MAGI2: variants seen among roughly 807,000 people sequenced by gnomAD.
The protein encoded by MAGI2 is membrane-associated guanylate kinase, WW and PDZ domain-containing protein 2.
In MAGI2, 35 loss-of-function variants were observed where a neutral mutation model predicts 133.3. That is an observed-to-expected ratio of 0.26 (90% confidence interval 0.20 to 0.35). The LOEUF (loss-of-function observed/expected upper bound fraction) is 0.35. Ranked by LOEUF, MAGI2 falls within the 10% of genes least tolerant of loss-of-function variation. The pLI is 1.00. For synonymous variants in MAGI2, 729 were observed against 710.6 expected (o/e 1.03, Z -0.41); for missense variants, 1,636 against 1,863.4 (o/e 0.88, Z 2.25).
chr7:78,123,252 C>G (rs988107585), intron 20 of MAGI2, among the ~76,000 whole-genome samples: 3 of 152,120 alleles, frequency 2.0e-5, no homozygotes, highest in African/African-American at 7.2e-5. Flanking sequence ...AAAGTCAAAA[C>G]TTGCTACTCT....
chr7:78,217,540 G>A (rs1210257862), intron 10 of MAGI2, among the ~76,000 whole-genome samples: 2 of 152,132 alleles, frequency 1.3e-5, no homozygotes, highest in Non-Finnish European at 2.9e-5. Context: ...CATTCTTTAT[G>A]AAATCTGTGT....
At chr7:78,394,722 A>G (rs1457560844) in intron 6 of MAGI2, among the ~76,000 whole-genome samples, 4 of 152,114 alleles carry the variant, frequency 2.6e-5, no homozygotes, top group African/African-American at 4.8e-5. Flanking sequence ...TTTTTTCACC[A>G]TTAGACAGTG....
chr7:78,110,813 C>A (rs1819284854), intron 20 of MAGI2, among the ~76,000 whole-genome samples: 1 of 152,142 alleles, frequency 6.6e-6, no homozygotes, highest in South Asian at 2.1e-4. Context: ...GGGACAGGGT[C>A]TGACAATGGT....
In MAGI2 at chr7:78,606,364, G is replaced by T. The variant is rs781298206; in HGVS notation, c.538+20756C>A. Among the ~76,000 whole-genome samples the T allele has an allele frequency of 2.6e-4, 39 of 152,042 alleles. 1 individual carries two copies. The highest frequency in any genetic ancestry group is 4.6e-4 in the Non-Finnish European group (31 of 68,022). On this transcript the variant is annotated intron_variant, in intron 3 of 21. Transcript: ENST00000354212. ...GAATTAAGACCCTCTTTGCCCAGAG[G>T]CCTCTTTGCATATGATGGCCTACTT...
chr7:79,434,232 T>C lies in MAGI2; in HGVS notation c.301+18788A>G, dbSNP rs1847985891. The stretch of plus-strand genomic sequence containing the variant: ...CCATGGTAATGTCATCCTGCCTCCA[T>C]CATTAGTAGCCAAACTCTCTTAGAT... On this transcript the variant is annotated intron_variant, in intron 1 of 21. Transcript: ENST00000354212. Among the ~76,000 whole-genome samples the C allele has an allele frequency of 2.6e-5, 4 of 152,098 alleles. No homozygotes were observed. In the South Asian group the frequency reaches 6.2e-4, roughly 24 times the overall value.
rs55707442 is a variant in MAGI2 at position 78,527,006 on chromosome 7, C to CAAAAAAAAAAAA, written c.539-5373_539-5362dup. 3.5e-3 allele frequency among the ~76,000 whole-genome samples: 161 copies of CAAAAAAAAAAAA among 45,382 alleles called. 6 individuals are homozygous for CAAAAAAAAAAAA. The highest frequency in any genetic ancestry group is 5.7e-3 in the Non-Finnish European group (128 of 22,524). The allele number at this position is 45,382 out of a possible 152,430, so 29.8% of individuals were successfully genotyped here. Reference sequence around the variant, plus strand: ...ATGGTGACAGGGCAAGACTCCATCTCAAAAAAAAAAAAAAAAAAAAAAAAA... The same window carrying CAAAAAAAAAAAA: ...ATGGTGACAGGGCAAGACTCCATCTCAAAAAAAAAAAAAAAAAAAAAAAAAAAAAAAAAAAAA... On this transcript the variant is annotated intron_variant, in intron 3 of 21. Transcript: ENST00000354212.
At chr7:78,116,038 G>A (rs1819837413) in intron 20 of MAGI2, among the ~76,000 whole-genome samples, 1 of 152,104 alleles carries the variant, frequency 6.6e-6, no homozygotes, top group African/African-American at 2.4e-5. Context: ...AGCACACATG[G>A]ATCATATATA....
At chr7:78,845,155 C>G (rs917074721) in intron 2 of MAGI2, among the ~76,000 whole-genome samples, 6 of 151,906 alleles carry the variant, frequency 3.9e-5, no homozygotes, top group South Asian at 4.1e-4. Flanking sequence ...AGGAGCATCA[C>G]CTTCCATTTT....
Position 78,256,037 on chromosome 7 carries a change from C to T in MAGI2, c.1953G>A (p.Gln651=), listed in dbSNP as rs1414440059. ...TATGGCTCAGGTTCTGTACATTCTG[C>T]TGGTTGATCTCAACAATGAGGTCGC... ...CEGDLIVEIN[Q]QNVQNLSHTE... Residue 651 remains glutamine, a synonymous_variant, in exon 10 of 22, where the codon CAG becomes CAA. Transcript: ENST00000354212. 3.7e-6 allele frequency: 6 copies of T among 1,613,620 alleles called. No individual in the cohort carries two copies. The highest frequency in any genetic ancestry group is 5.1e-6 in the Non-Finnish European group (6 of 1,179,868).
At chr7:78,139,393 G>A (rs1223613483) in intron 16 of MAGI2, among the ~76,000 whole-genome samples, 2 of 152,210 alleles carry the variant, frequency 1.3e-5, no homozygotes, top group African/African-American at 4.8e-5. Context: ...TGTGCTCAGA[G>A]AGGATTCTCT....
At chr7:78,625,925 T>C (rs1808293642) in intron 3 of MAGI2, among the ~76,000 whole-genome samples, 1 of 152,240 alleles carries the variant, frequency 6.6e-6, no homozygotes, top group South Asian at 2.1e-4. Flanking sequence ...TAGGTTTGTG[T>C]AGGTACATTC....
intron 20 of MAGI2, among the ~76,000 whole-genome samples, chr7:78,091,151 G>A (rs1319297548): frequency 6.6e-6 from 1 of 151,972 alleles, no homozygotes; most frequent in Non-Finnish European, 1.5e-5. Context: ...TTAAGGAAGT[G>A]GTTGCTGATA....
chr7:79,450,209 T>G (rs1241711434), intron 1 of MAGI2, among the ~76,000 whole-genome samples: 1 of 152,098 alleles, frequency 6.6e-6, no homozygotes, highest in Non-Finnish European at 1.5e-5. Context: ...ATGTTTAAGT[T>G]TTTCAGCTAT....
intron 2 of MAGI2, among the ~76,000 whole-genome samples, chr7:78,798,078 C>G (rs1385128533): frequency 2.0e-5 from 3 of 152,104 alleles, no homozygotes; most frequent in Non-Finnish European, 4.4e-5. Context: ...AAATATGTAA[C>G]AGGTTGTTTT....
intron 1 of MAGI2, among the ~76,000 whole-genome samples, chr7:79,136,121 GA>G (rs1364721827): frequency 1.4e-5 from 2 of 146,934 alleles, no homozygotes; most frequent in Non-Finnish European, 3.0e-5. Flanking sequence ...AAGAAAGAAA[GA>G]AAGAAAGACA....
At chr7:78,867,494 G>C (rs919585527) in intron 2 of MAGI2, among the ~76,000 whole-genome samples, 3 of 147,354 alleles carry the variant, frequency 2.0e-5, no homozygotes, top group African/African-American at 7.5e-5. Context: ...TGAACAATGA[G>C]AACACATGGA....
chr7:79,178,177 T>C (rs1040751383), intron 1 of MAGI2, among the ~76,000 whole-genome samples: 7 of 152,006 alleles, frequency 4.6e-5, no homozygotes, highest in Non-Finnish European at 1.5e-5. Flanking sequence ...TCCCTTATTT[T>C]GTACTGGCTA....
intron 2 of MAGI2, among the ~76,000 whole-genome samples, chr7:78,876,775 A>C (rs1693687323): frequency 6.6e-6 from 1 of 152,216 alleles, no homozygotes; most frequent in South Asian, 2.1e-4. Context: ...AGAAAGGTGC[A>C]ATGAATGGTC....
chr7:78,162,706 G>T (rs991654920), intron 15 of MAGI2, among the ~76,000 whole-genome samples: 1 of 152,006 alleles, frequency 6.6e-6, no homozygotes, highest in African/African-American at 2.4e-5. Flanking sequence ...ATTGCCTTTG[G>T]ACTTCTCTTT....
Sources: allele counts gnomAD v4.1 joint callset (sites outside exome capture counted in the v4.1 genomes callset), GRCh38; gene constraint gnomAD v4.1.1; transcripts MANE v1.5; gene names NCBI Gene and HGNC (gene_info 2026-07-23, HGNC 2026-07-21).